The following SPRY3 variants were observed in gnomAD, a reference collection of about 807,000 sequenced individuals.
SPRY3 encodes protein sprouty homolog 3.
A neutral mutation model predicts 20.2 loss-of-function variants in SPRY3; 15 were observed. The observed-to-expected ratio is 0.74, with a 90% CI of 0.50 to 1.14. The LOEUF (loss-of-function observed/expected upper bound fraction) is 1.14. SPRY3 is among the 50% of genes most tolerant of loss of function. SPRY3 has a pLI of 0.00. For synonymous variants in SPRY3, 143 were observed against 136.5 expected (o/e 1.05, Z -0.33); for missense variants, 364 against 363.9 (o/e 1.00, Z 0.00).
intron 2 of SPRY3, among the ~76,000 whole-genome samples, chrX:155,760,654 T>C (rs2091300519): frequency 6.6e-6 from 1 of 152,148 alleles, no homozygotes; most frequent in African/African-American, 2.4e-5. Flanking sequence ...ATGAAACTTT[T>C]CCGCCTCAGA....
chrX:155,776,341 A>G (rs1194830139), exon 4 of SPRY3: 1 of 167,062 alleles, frequency 6.0e-6, no homozygotes, highest in Non-Finnish European at 1.5e-5. Context: ...TGCTGCACAC[A>G]CTGTGCTTGC....
chrX:155,706,351 G>C (rs1473898538), intron 2 of SPRY3, among the ~76,000 whole-genome samples: 1 of 151,068 alleles, frequency 6.6e-6, no homozygotes, highest in Admixed American at 6.6e-5. Context: ...ACTTTGCATG[G>C]TGTAGCTACA....
At chrX:155,706,451 T>C (rs1454987710) in intron 2 of SPRY3, among the ~76,000 whole-genome samples, 2 of 150,386 alleles carry the variant, frequency 1.3e-5, no homozygotes, top group Non-Finnish European at 3.0e-5. Context: ...ACCTAAGAAG[T>C]TCAAAATAAA....
chrX:155,729,452 C>G (rs1158188758), intron 2 of SPRY3, among the ~76,000 whole-genome samples: 1 of 151,898 alleles, frequency 6.6e-6, no homozygotes, highest in Non-Finnish European at 1.5e-5. Context: ...ACAATATGCT[C>G]CTGAATGAAC....
chrX:155,766,927 G>C (rs2091334385), intron 2 of SPRY3, among the ~76,000 whole-genome samples: 2 of 152,132 alleles, frequency 1.3e-5, no homozygotes, highest in African/African-American at 4.8e-5. Flanking sequence ...GAGGTGGGAG[G>C]AACCCTTAAA....
At chrX:155,763,785 A>C (rs184410741) in intron 2 of SPRY3, among the ~76,000 whole-genome samples, 6 of 152,224 alleles carry the variant, frequency 3.9e-5, no homozygotes, top group African/African-American at 1.4e-4. Flanking sequence ...ATTTATTTCA[A>C]CATTTGTAAC....
intron 1 of SPRY3, among the ~76,000 whole-genome samples, chrX:155,651,151 C>T (rs782125281): frequency 1.8e-3 from 197 of 108,741 alleles, no homozygotes; most frequent in African/African-American, 6.3e-3. Context: ...TCTTGGCTCA[C>T]GGCAGCCTCC....
intron 1 of SPRY3, among the ~76,000 whole-genome samples, chrX:155,635,004 A>G (rs1272687176): frequency 9.1e-6 from 1 of 109,740 alleles, no homozygotes; most frequent in Non-Finnish European, 1.9e-5. Flanking sequence ...CTTCATCTCC[A>G]TTAGGTATTT....
chrX:155,658,488 T>TA (rs2067999046), intron 2 of SPRY3, among the ~76,000 whole-genome samples: 2 of 112,196 alleles, frequency 1.8e-5, no homozygotes, highest in South Asian at 7.3e-4. Flanking sequence ...CTCTGCTTGA[T>TA]ACTGTTTGGT....
At chrX:155,755,779 G>A (rs1364067577) in intron 2 of SPRY3, among the ~76,000 whole-genome samples, 1 of 152,018 alleles carries the variant, frequency 6.6e-6, no homozygotes, top group Admixed American at 6.6e-5. Flanking sequence ...TGGAGAGAGT[G>A]TTCCTAAGGG....
At chrX:155,677,074 T>C (rs763808311) in intron 2 of SPRY3, among the ~76,000 whole-genome samples, 2 of 111,977 alleles carry the variant, frequency 1.8e-5, no homozygotes, top group African/African-American at 6.5e-5. Context: ...CATATAATTG[T>C]ATATTTGCAT....
intron 2 of SPRY3, among the ~76,000 whole-genome samples, chrX:155,754,911 A>G (rs911648726): frequency 6.6e-6 from 1 of 152,054 alleles, no homozygotes; most frequent in African/African-American, 2.4e-5. Flanking sequence ...TAGATATACA[A>G]CTTACTTTTG....
intron 2 of SPRY3, among the ~76,000 whole-genome samples, chrX:155,748,606 C>T (rs2091241340): frequency 6.6e-6 from 1 of 151,680 alleles, no homozygotes; most frequent in Non-Finnish European, 1.5e-5. Context: ...GATGTTTGCT[C>T]CAAGACGAAG....
intron 2 of SPRY3, among the ~76,000 whole-genome samples, chrX:155,715,826 T>C (rs1176819000): frequency 6.6e-6 from 1 of 152,172 alleles, no homozygotes; most frequent in African/African-American, 2.4e-5. Context: ...CATGTCTTTA[T>C]TCTCCATTGT....
At chrX:155,751,004 T>G (rs747056748) in intron 2 of SPRY3, among the ~76,000 whole-genome samples, 3 of 151,824 alleles carry the variant, frequency 2.0e-5, no homozygotes, top group South Asian at 4.2e-4. Context: ...AACCATGAAA[T>G]CTAAAGTCAG....
intron 2 of SPRY3, among the ~76,000 whole-genome samples, chrX:155,764,461 G>A (rs1248113881): frequency 6.6e-6 from 1 of 152,136 alleles, no homozygotes; most frequent in African/African-American, 2.4e-5. Context: ...ACGGAACTTC[G>A]AGTTGTCTTT....
At chrX:155,716,147 T>G (rs1365646192) in intron 2 of SPRY3, among the ~76,000 whole-genome samples, 3 of 152,176 alleles carry the variant, frequency 2.0e-5, no homozygotes, top group Non-Finnish European at 2.9e-5. Context: ...TCCACAATCT[T>G]TCTTGCCCCT....
At chrX:155,724,077 C>G (rs530389647) in intron 2 of SPRY3, among the ~76,000 whole-genome samples, 1 of 152,196 alleles carries the variant, frequency 6.6e-6, no homozygotes, top group Admixed American at 6.5e-5. Flanking sequence ...TCAGGTTTGT[C>G]AAAGATCAGA....
chrX:155,774,392 G>A (rs768720363), exon 4 of SPRY3: 1 of 1,614,042 alleles, frequency 6.2e-7, no homozygotes, highest in Non-Finnish European at 8.5e-7. Context: ...AACCAGCGCT[G>A]CCTTTGCTCT....
Sources: allele counts gnomAD v4.1 joint callset (sites outside exome capture counted in the v4.1 genomes callset), GRCh38; gene constraint gnomAD v4.1.1; transcripts MANE v1.5; gene names NCBI Gene and HGNC (gene_info 2026-07-23, HGNC 2026-07-21).